PLXDC2: variants seen among roughly 807,000 people sequenced by gnomAD.
The protein encoded by PLXDC2 is plexin domain containing 2.
In PLXDC2, 40 loss-of-function variants were observed where a neutral mutation model predicts 68.9. That is an observed-to-expected ratio of 0.58 (90% confidence interval 0.45 to 0.76). PLXDC2 has a LOEUF of 0.76. Among genes scored for constraint, PLXDC2 ranks in the 30% least tolerant of loss-of-function variants. PLXDC2 has a pLI of 0.00. For missense variants in PLXDC2, 644 were observed against 661.9 expected (o/e 0.97, Z 0.30); for synonymous variants, 243 against 234.2 (o/e 1.04, Z -0.34).
intron 3 of PLXDC2, among the ~76,000 whole-genome samples, chr10:20,053,732 C>G: frequency 6.6e-6 from 1 of 152,056 alleles, no homozygotes. Flanking sequence ...ATATCTCTGT[C>G]CTGGTGGAAG....
Position 20,134,902 on chromosome 10 carries a change from G to A in PLXDC2, c.542-8393G>A, listed in dbSNP as rs151051060. On this transcript the variant is annotated intron_variant, in intron 4 of 13. Transcript: ENST00000377252. ...ATGGGCCAGTGTTGGGGTCTACAGC[G>A]AAACTTGGTGCTGCTCACTTTACTC... Among the ~76,000 whole-genome samples the A allele has an allele frequency of 6.2e-3, 938 of 152,270 alleles. 3 individuals carry two copies. Among genetic ancestry groups the A allele is most frequent in the African/African-American group, 0.019 (796 of 41,556 alleles).
intron 4 of PLXDC2, among the ~76,000 whole-genome samples, chr10:20,073,569 C>T (rs1280297633): frequency 6.6e-6 from 1 of 152,114 alleles, no homozygotes; most frequent in Non-Finnish European, 1.5e-5. Context: ...TATTCAAAAG[C>T]TTCAATCATC....
chr10:19,897,160 T>A (rs1381190711), intron 1 of PLXDC2, among the ~76,000 whole-genome samples: 1 of 152,182 alleles, frequency 6.6e-6, no homozygotes, highest in African/African-American at 2.4e-5. Context: ...AGAGCCTCTG[T>A]ATTTCAGAAT....
At chr10:20,081,951 A>G (rs1564308427) in intron 4 of PLXDC2, among the ~76,000 whole-genome samples, 1 of 148,768 alleles carries the variant, frequency 6.7e-6, no homozygotes, top group East Asian at 2.1e-4. Context: ...AGGCTGAGGC[A>G]GGAGGATTGC....
chr10:20,244,577 A>T (rs1014379585), intron 12 of PLXDC2, among the ~76,000 whole-genome samples: 1 of 152,200 alleles, frequency 6.6e-6, no homozygotes, highest in Admixed American at 6.5e-5. Flanking sequence ...TTATGCTTGG[A>T]GTTCATGCAC....
chr10:19,906,039 A>G (rs1412989516), intron 1 of PLXDC2, among the ~76,000 whole-genome samples: 1 of 152,056 alleles, frequency 6.6e-6, no homozygotes, highest in Admixed American at 6.6e-5. Context: ...GATGGGCCTT[A>G]CATTCTAGTG....
At chr10:20,069,474 C>A (rs79967835) in intron 4 of PLXDC2, among the ~76,000 whole-genome samples, 2,746 of 152,092 alleles carry the variant, frequency 0.018, 90 homozygotes, top group African/African-American at 0.063. Flanking sequence ...CTGGGCAACA[C>A]TGTGAGACCC....
intron 1 of PLXDC2, among the ~76,000 whole-genome samples, chr10:19,976,487 A>T (rs756558630): frequency 6.6e-6 from 1 of 152,192 alleles, no homozygotes; most frequent in Non-Finnish European, 1.5e-5. Flanking sequence ...TGCTGGGATT[A>T]CAGGCGTGAG....
chr10:20,039,684 T>C (rs1269470067), intron 2 of PLXDC2, among the ~76,000 whole-genome samples: 1 of 152,170 alleles, frequency 6.6e-6, no homozygotes, highest in African/African-American at 2.4e-5. Flanking sequence ...TCTTCACATA[T>C]TTTCTAAAGC....
chr10:20,264,415 A>G (rs12359906), intron 13 of PLXDC2, among the ~76,000 whole-genome samples: 1 of 152,170 alleles, frequency 6.6e-6, no homozygotes, highest in Non-Finnish European at 1.5e-5. Flanking sequence ...TCCTTATTAC[A>G]TGTGTTTATC....
At chr10:20,090,828 G>A (rs937464704) in intron 4 of PLXDC2, among the ~76,000 whole-genome samples, 1 of 152,120 alleles carries the variant, frequency 6.6e-6, no homozygotes, top group Non-Finnish European at 1.5e-5. Context: ...TTTATCAGAT[G>A]TTAATATTAA....
intron 1 of PLXDC2, among the ~76,000 whole-genome samples, chr10:19,958,805 T>G (rs1049610795): frequency 6.6e-6 from 1 of 150,414 alleles, no homozygotes; most frequent in Non-Finnish European, 1.5e-5. Flanking sequence ...TATCAGAAAG[T>G]GTATGTAAGT....
Position 20,072,609 on chromosome 10 carries a change from G to A in PLXDC2, c.541+4370G>A, listed in dbSNP as rs543182947. The stretch of plus-strand genomic sequence containing the variant: ...TCCAGCAAGCATTGGGTTTCTTAGA[G>A]AAGTAGATCTGGCCTGATCTGTCAG... On this transcript the variant is annotated intron_variant, in intron 4 of 13. Coordinates refer to ENST00000377252, the MANE Select transcript of PLXDC2 (RefSeq NM_032812.9). Among the ~76,000 whole-genome samples the A allele has an allele frequency of 1.4e-4, 22 of 152,274 alleles. No individual in the cohort carries two copies. The South Asian group carries it at 4.4e-3, about 30-fold the overall frequency.
intron 10 of PLXDC2, among the ~76,000 whole-genome samples, chr10:20,214,860 A>G (rs963184300): frequency 6.6e-6 from 1 of 152,182 alleles, no homozygotes; most frequent in African/African-American, 2.4e-5. Context: ...ACACAAAGAG[A>G]GAATAATATA....
At chr10:19,849,904 G>A (rs78239702) in intron 1 of PLXDC2, among the ~76,000 whole-genome samples, 1 of 152,160 alleles carries the variant, frequency 6.6e-6, no homozygotes, top group East Asian at 1.9e-4. Context: ...ATTTTCCAAA[G>A]TTCTTCCTAA....
intron 1 of PLXDC2, among the ~76,000 whole-genome samples, chr10:19,819,765 C>A (rs1320475752): frequency 6.6e-6 from 1 of 152,060 alleles, no homozygotes; most frequent in Non-Finnish European, 1.5e-5. Flanking sequence ...TCTGTTATTT[C>A]CTGCTTTTGT....
chr10:20,150,717 A>T, intron 6 of PLXDC2, among the ~76,000 whole-genome samples: 1 of 152,250 alleles, frequency 6.6e-6, no homozygotes. Context: ...TTGTCAAAAC[A>T]GAAATTTGTG....
chr10:20,067,439 A>G (rs1461561492), intron 3 of PLXDC2, among the ~76,000 whole-genome samples: 1 of 152,110 alleles, frequency 6.6e-6, no homozygotes, highest in East Asian at 1.9e-4. Context: ...TAATCCAAGC[A>G]CTTTGGGAGG....
chr10:19,948,278 C>T (rs950173410), intron 1 of PLXDC2, among the ~76,000 whole-genome samples: 1 of 151,912 alleles, frequency 6.6e-6, no homozygotes, highest in Non-Finnish European at 1.5e-5. Flanking sequence ...GCCTAGTTCT[C>T]TAAGGATGCC....
Sources: gnomAD v4.1 joint callset for allele counts (sites outside exome capture counted in the v4.1 genomes callset) on GRCh38, gnomAD v4.1.1 for gene constraint, MANE v1.5 for transcripts, NCBI Gene and HGNC (gene_info 2026-07-23, HGNC 2026-07-21) for gene names.